The following ZNF407 variants were observed in gnomAD, a reference collection of about 807,000 sequenced individuals.
The protein encoded by ZNF407 is zinc finger protein 407.
ZNF407 carries 17 observed loss-of-function variants against 131.2 expected under a neutral mutation model. The observed-to-expected ratio is 0.13, with a 90% CI of 0.09 to 0.19. ZNF407 has a LOEUF of 0.19. Among genes scored for constraint, ZNF407 ranks in the 10% least tolerant of loss-of-function variants. ZNF407 has a pLI of 1.00. For synonymous variants in ZNF407, 1,156 were observed against 1,062.0 expected (o/e 1.09, Z -1.72); for missense variants, 2,681 against 2,830.6 (o/e 0.95, Z 1.20).
At chr18:74,852,432 G>A (rs1457891325) in intron 4 of ZNF407, among the ~76,000 whole-genome samples, 3 of 151,980 alleles carry the variant, frequency 2.0e-5, no homozygotes, top group African/African-American at 7.2e-5. Context: ...ACATTTGTAA[G>A]TTAAATTTGG....
At chr18:74,628,556 T>G (rs905356723) in intron 1 of ZNF407, among the ~76,000 whole-genome samples, 5 of 152,154 alleles carry the variant, frequency 3.3e-5, no homozygotes, top group African/African-American at 1.2e-4. Context: ...CATTGTGGCA[T>G]GTTAGTACTT....
intron 3 of ZNF407, among the ~76,000 whole-genome samples, chr18:74,688,187 T>A (rs1396650275): frequency 6.6e-6 from 1 of 152,226 alleles, no homozygotes; most frequent in Non-Finnish European, 1.5e-5. Context: ...TTGTTTTCCT[T>A]AAAGGGTGAT....
intron 4 of ZNF407, among the ~76,000 whole-genome samples, chr18:74,796,046 C>T (rs1411949257): frequency 6.6e-6 from 1 of 152,180 alleles, no homozygotes. Context: ...ATCGGCTGCT[C>T]TTTTCTCCCT....
chr18:74,776,008 A>G (rs1343882223), intron 3 of ZNF407, among the ~76,000 whole-genome samples: 1 of 152,204 alleles, frequency 6.6e-6, no homozygotes, highest in Admixed American at 6.5e-5. Flanking sequence ...CACCTTTAAC[A>G]TTGCGGATTG....
chr18:74,778,169 CCT>C (rs1969513972), intron 3 of ZNF407, among the ~76,000 whole-genome samples: 1 of 152,160 alleles, frequency 6.6e-6, no homozygotes, highest in South Asian at 2.1e-4. Flanking sequence ...TCTCACCCGC[CCT>C]CTTTTTTCTA....
intron 8 of ZNF407, among the ~76,000 whole-genome samples, chr18:75,035,022 A>G (rs1273437432): frequency 6.6e-6 from 1 of 152,220 alleles, no homozygotes; most frequent in Non-Finnish European, 1.5e-5. Flanking sequence ...TGAAAGAAAG[A>G]TGGAAGCTTT....
chr18:75,056,489 C>T (rs772181705), intron 8 of ZNF407, among the ~76,000 whole-genome samples: 3 of 152,202 alleles, frequency 2.0e-5, no homozygotes, highest in African/African-American at 4.8e-5. Flanking sequence ...TTGATCCTAG[C>T]GAAGTCCCTA....
chr18:75,037,671 G>T (rs35743321), intron 8 of ZNF407, among the ~76,000 whole-genome samples: 1 of 152,142 alleles, frequency 6.6e-6, no homozygotes, highest in African/African-American at 2.4e-5. Context: ...GGTAATGCTC[G>T]CGCTGGAATT....
chr18:74,999,374 A>C (rs866913917), intron 8 of ZNF407, among the ~76,000 whole-genome samples: 2,633 of 143,464 alleles, frequency 0.018, 40 homozygotes, highest in Non-Finnish European at 0.027. Flanking sequence ...AAAAAAAAAA[A>C]ACAAAGGTAA....
intron 3 of ZNF407, among the ~76,000 whole-genome samples, chr18:74,675,971 A>G (rs1207849267): frequency 6.6e-6 from 1 of 152,208 alleles, no homozygotes; most frequent in Non-Finnish European, 1.5e-5. Context: ...TCATTTAGGT[A>G]GTTTAAAAAT....
chr18:74,750,438 T>C (rs1294548329), intron 3 of ZNF407, among the ~76,000 whole-genome samples: 1 of 152,228 alleles, frequency 6.6e-6, no homozygotes, highest in Non-Finnish European at 1.5e-5. Flanking sequence ...ATAGATTTAT[T>C]CTGGACAGTT....
chr18:75,045,370 G>A (rs1973423179), intron 8 of ZNF407, among the ~76,000 whole-genome samples: 1 of 152,190 alleles, frequency 6.6e-6, no homozygotes, highest in Non-Finnish European at 1.5e-5. Context: ...TTGTCTGAGT[G>A]TTTAAATTCC....
chr18:74,742,469 T>G (rs1051160697), intron 3 of ZNF407, among the ~76,000 whole-genome samples: 2 of 152,178 alleles, frequency 1.3e-5, no homozygotes, highest in Non-Finnish European at 2.9e-5. Context: ...AACTGCAGTT[T>G]TATTTGGTTC....
intron 8 of ZNF407, among the ~76,000 whole-genome samples, chr18:75,008,317 C>T (rs1168062465): frequency 6.6e-6 from 1 of 152,158 alleles, no homozygotes; most frequent in Non-Finnish European, 1.5e-5. Flanking sequence ...AATCATTATA[C>T]AGATGATTCC....
chr18:74,774,415 C>T (rs1013076536), intron 3 of ZNF407, among the ~76,000 whole-genome samples: 1 of 152,128 alleles, frequency 6.6e-6, no homozygotes, highest in Non-Finnish European at 1.5e-5. Flanking sequence ...TACTTAATTA[C>T]AAATGGCAAG....
At chr18:74,709,367 C>A (rs1053440888) in intron 3 of ZNF407, among the ~76,000 whole-genome samples, 1 of 152,126 alleles carries the variant, frequency 6.6e-6, no homozygotes, top group African/African-American at 2.4e-5. Context: ...CATAATGTAT[C>A]TTCTTTGTAA....
rs775084719 is a variant in ZNF407 at position 74,939,710 on chromosome 18, A to G, written c.5428+19018A>G. Among the ~76,000 whole-genome samples the G allele has an allele frequency of 2.6e-4, 40 of 152,242 alleles. 1 individual carries two copies. Among genetic ancestry groups the G allele is most frequent in the African/African-American group, 9.4e-4 (39 of 41,450 alleles). Reference sequence around the variant, plus strand: ...CAACATATTAAGTGCAAGCTTTTCTATATCATCTACAGTGTGTTGCTTTTT... The same window carrying G: ...CAACATATTAAGTGCAAGCTTTTCTGTATCATCTACAGTGTGTTGCTTTTT... On this transcript the variant is annotated intron_variant, in intron 8 of 8. Coordinates refer to ENST00000299687, the MANE Select transcript of ZNF407 (RefSeq NM_017757.3).
At chr18:75,053,473 C>A (rs574304058) in intron 8 of ZNF407, among the ~76,000 whole-genome samples, 1 of 152,176 alleles carries the variant, frequency 6.6e-6, no homozygotes, top group Non-Finnish European at 1.5e-5. Flanking sequence ...TCAGGGTTTC[C>A]ATTTGAAAGT....
intron 4 of ZNF407, among the ~76,000 whole-genome samples, chr18:74,870,874 T>C (rs1289160876): frequency 6.6e-6 from 1 of 152,184 alleles, no homozygotes; most frequent in Non-Finnish European, 1.5e-5. Flanking sequence ...TCCATAGAAA[T>C]ATGGTGAACA....
Sources: allele counts gnomAD v4.1 joint callset (sites outside exome capture counted in the v4.1 genomes callset), GRCh38; gene constraint gnomAD v4.1.1; transcripts MANE v1.5; gene names NCBI Gene and HGNC (gene_info 2026-07-23, HGNC 2026-07-21).